The following SNX4 variants were observed in gnomAD, a reference collection of about 807,000 sequenced individuals.
The protein encoded by SNX4 is sorting nexin 4, also known as sorting nexin-4.
SNX4 carries 49 observed loss-of-function variants against 70.8 expected under a neutral mutation model. That is an observed-to-expected ratio of 0.69 (90% CI 0.55 to 0.88). The LOEUF (loss-of-function observed/expected upper bound fraction) is 0.88. Among genes scored for constraint, SNX4 ranks in the 40% least tolerant of loss-of-function variants. SNX4 has a pLI of 0.00. For synonymous variants in SNX4, 206 were observed against 183.8 expected (o/e 1.12, Z -0.98); for missense variants, 528 against 544.8 (o/e 0.97, Z 0.31).
At chr3:125,517,049 T>A (rs1451244299) in intron 1 of SNX4, 1 of 152,200 alleles carries the variant, frequency 6.6e-6, no homozygotes. Flanking sequence ...TGTTCTACTG[T>A]TTCCCCCCTT....
chr3:125,515,539 C>T (rs1343669832), intron 1 of SNX4, among the ~76,000 whole-genome samples: 1 of 150,132 alleles, frequency 6.7e-6, no homozygotes, highest in Non-Finnish European at 1.5e-5. Flanking sequence ...GTGGTGTATG[C>T]CTGTAGTTCC....
At chr3:125,500,975 A>AAAAG (rs1414288627) in intron 2 of SNX4, among the ~76,000 whole-genome samples, 1 of 151,574 alleles carries the variant, frequency 6.6e-6, no homozygotes, top group Non-Finnish European at 1.5e-5. Flanking sequence ...ACTTGTATCC[A>AAAAG]GAAGGTAGGT....
chr3:125,489,651 A>G (rs1934607278), intron 5 of SNX4, among the ~76,000 whole-genome samples, 188 bp from the exon 6 acceptor site: 1 of 152,262 alleles, frequency 6.6e-6, no homozygotes, highest in African/African-American at 2.4e-5. Context: ...AAAACATACT[A>G]TAAAATAGAC....
chr3:125,489,810 G>A (rs142329863), intron 5 of SNX4, among the ~76,000 whole-genome samples: 177 of 152,302 alleles, frequency 1.2e-3, no homozygotes, highest in Non-Finnish European at 2.3e-3. Context: ...GCAATGATAC[G>A]TATATATAAA....
intron 1 of SNX4, among the ~76,000 whole-genome samples, chr3:125,517,628 T>C (rs1935310596): frequency 6.6e-6 from 1 of 152,212 alleles, no homozygotes; most frequent in African/African-American, 2.4e-5. Context: ...TCTGAAATAT[T>C]TGCCCAAATG....
intron 2 of SNX4, among the ~76,000 whole-genome samples, chr3:125,503,875 A>G (rs2107564979): frequency 6.6e-6 from 1 of 152,264 alleles, no homozygotes; most frequent in African/African-American, 2.4e-5. Context: ...TATCACAGCA[A>G]AAGATACAGC....
At chr3:125,473,361 T>C (rs1372222732) in intron 8 of SNX4, among the ~76,000 whole-genome samples, 1 of 152,170 alleles carries the variant, frequency 6.6e-6, no homozygotes, top group African/African-American at 2.4e-5. Context: ...GCTTTCCAAA[T>C]TAACACCAAA....
intron 5 of SNX4, among the ~76,000 whole-genome samples, chr3:125,491,007 C>T (rs967763176): frequency 3.3e-5 from 5 of 152,118 alleles, no homozygotes; most frequent in African/African-American, 1.2e-4. Context: ...TCCCAGGTTA[C>T]TTGGCTAAGA....
intron 8 of SNX4, among the ~76,000 whole-genome samples, chr3:125,472,676 G>C (rs1934203142): frequency 6.6e-6 from 1 of 152,140 alleles, no homozygotes; most frequent in South Asian, 2.1e-4. Context: ...AGGTTTTGCA[G>C]TAGGACAAGT....
At chr3:125,488,458 G>A (rs1338069003) in intron 6 of SNX4, among the ~76,000 whole-genome samples, 1 of 152,000 alleles carries the variant, frequency 6.6e-6, no homozygotes, top group Non-Finnish European at 1.5e-5. Flanking sequence ...CTGGGCGACA[G>A]AGCAAGTCTC....
intron 1 of SNX4, among the ~76,000 whole-genome samples, chr3:125,506,679 T>C (rs886771704): frequency 6.6e-6 from 1 of 151,594 alleles, no homozygotes; most frequent in African/African-American, 2.4e-5. Flanking sequence ...CTTGAAGTCC[T>C]GGGCTCAAAT....
intron 9 of SNX4, among the ~76,000 whole-genome samples, chr3:125,462,048 A>G (rs917611945): frequency 2.0e-5 from 3 of 152,156 alleles, no homozygotes; most frequent in African/African-American, 7.2e-5. Context: ...CTTCATTTGT[A>G]CAGAATGTGA....
chr3:125,510,948 C>T (rs774750794), intron 1 of SNX4, among the ~76,000 whole-genome samples: 4 of 152,172 alleles, frequency 2.6e-5, no homozygotes, highest in Non-Finnish European at 4.4e-5. Flanking sequence ...GAGACAGTTT[C>T]GCTCTTACCG....
At position 125,520,141 on chromosome 3, in the gene SNX4, T is replaced by G. The variant is rs1406393985; in HGVS notation, c.32A>C (p.Gln11Pro). ...CGGCTCCAAGGGCGCCGGCTGGAGC[T>G]GCCGCTCGGGGTCCGGAGGTGCCTG... MEQAPPDPER[Q>P]LQPAPLEPLG... The change falls in exon 1 of 14, where the codon CAG becomes CCG. Residue 11 changes from glutamine to proline, a missense_variant. Around this residue, in one of 3 missense-constraint regions of SNX4, gnomAD observed 341 missense variants for 312.2 expected, o/e 1.09. Coordinates refer to ENST00000251775, the MANE Select transcript of SNX4 (RefSeq NM_003794.4). 1.3e-5 allele frequency: 18 copies of G among 1,409,104 alleles called. No homozygotes were observed. Among genetic ancestry groups the G allele is most frequent in the East Asian group, 3.3e-5 (1 of 30,200 alleles). 87.3% of individuals were successfully genotyped at this position (1,409,104 alleles called of 1,614,324 possible).
At chr3:125,481,200 C>G (rs12490338) in intron 6 of SNX4, among the ~76,000 whole-genome samples, 10,302 of 152,270 alleles carry the variant, frequency 0.068, 480 homozygotes, top group Non-Finnish European at 0.1. Flanking sequence ...ATATTCCTGA[C>G]AAAGTCACCA....
At chr3:125,482,352 A>T (rs1348239699) in intron 6 of SNX4, among the ~76,000 whole-genome samples, 1 of 152,212 alleles carries the variant, frequency 6.6e-6, no homozygotes, top group Non-Finnish European at 1.5e-5. Flanking sequence ...ACTCTAAAGA[A>T]TGAAAACCTG....
chr3:125,512,597 C>T (rs1935192945), intron 1 of SNX4, among the ~76,000 whole-genome samples: 1 of 152,140 alleles, frequency 6.6e-6, no homozygotes, highest in Admixed American at 6.6e-5. Flanking sequence ...TAAAGATGGA[C>T]TGGCTTGTTG....
chr3:125,486,105 C>T (rs1423357320), intron 6 of SNX4, among the ~76,000 whole-genome samples: 1 of 152,150 alleles, frequency 6.6e-6, no homozygotes, highest in African/African-American at 2.4e-5. Context: ...TCCCAAAATG[C>T]TGGGATTACA....
intron 9 of SNX4, among the ~76,000 whole-genome samples, chr3:125,463,201 C>A (rs1933927098): frequency 6.6e-6 from 1 of 152,172 alleles, no homozygotes; most frequent in Non-Finnish European, 1.5e-5. Context: ...AAGCAGTGAA[C>A]ATATACATTC....
Sources: gnomAD v4.1 joint callset for allele counts (sites outside exome capture counted in the v4.1 genomes callset) on GRCh38, gnomAD v4.1.1 for gene constraint, gnomAD v4.1.1 regional missense constraint, MANE v1.5 for transcripts, NCBI Gene and HGNC (gene_info 2026-07-23, HGNC 2026-07-21) for gene names.